The following PRKDC variants were observed in gnomAD, a reference collection of about 807,000 sequenced individuals.
PRKDC encodes DNA-dependent protein kinase catalytic subunit.
In PRKDC, 82 loss-of-function variants were observed where a neutral mutation model predicts 486.9. The ratio of observed to expected loss-of-function variants is 0.17; its 90% CI spans 0.14 to 0.20. PRKDC has a LOEUF of 0.20. Among genes scored for constraint, PRKDC ranks in the 10% least tolerant of loss-of-function variants. The pLI is 1.00. For synonymous variants in PRKDC, 1,895 were observed against 1,837.0 expected (o/e 1.03, Z -0.81); for missense variants, 4,504 against 5,038.2 (o/e 0.89, Z 3.21).
Position 47,835,681 on chromosome 8 carries a change from C to T in PRKDC, c.7951+657G>A, listed in dbSNP as rs187755585. 3.1e-3 allele frequency among the ~76,000 whole-genome samples: 421 copies of T among 137,546 alleles called. 3 individuals are homozygous for T. Among genetic ancestry groups the T allele is most frequent in the African/African-American group, 0.011 (413 of 37,026 alleles). 90.2% of individuals were successfully genotyped at this position (137,546 alleles called of 152,430 possible). Reference sequence around the variant, plus strand: ...TATACATAAAATTTACCATTTCAATCATTCTTAGGTGCACAGTTCAATGGC... The same window carrying T: ...TATACATAAAATTTACCATTTCAATTATTCTTAGGTGCACAGTTCAATGGC... On this transcript the variant is annotated intron_variant, in intron 58 of 85. Coordinates refer to ENST00000314191, the MANE Select transcript of PRKDC (RefSeq NM_006904.7).
chr8:47,898,456 G>A lies in PRKDC; in HGVS notation c.3464+14C>T. The A allele has an allele frequency of 6.5e-7, 1 of 1,537,528 alleles. No individual in the cohort carries two copies. Among genetic ancestry groups the A allele is most frequent in the East Asian group, 2.4e-5 (1 of 41,358 alleles). ...GTTGTGGGAAAAGACGGAAAAGGAA[G>A]CAAGATCACCTACCGCGGCAAACGT... On this transcript the variant is annotated intron_variant, in intron 29 of 85. Coordinates refer to ENST00000314191, the MANE Select transcript of PRKDC (RefSeq NM_006904.7).
Position 47,936,455 on chromosome 8 carries a change from G to A in PRKDC, c.1176C>T (p.Cys392=), listed in dbSNP as rs2090353950. Residue 392 remains cysteine, a synonymous_variant, in exon 12 of 86, where the codon TGC becomes TGT. Transcript: ENST00000314191. ...CTGTCTGGGTGAGGAACATCTGCTT[G>A]CAGCGCTGAATGAGCTCAACGTACA... The part of the protein sequence containing the change: ...DFMYVELIQR[C]KQMFLTQTDT... 4 of 1,614,034 alleles carry A rather than the reference G, an allele frequency of 2.5e-6. No individual in the cohort carries two copies. Among genetic ancestry groups the A allele is most frequent in the Non-Finnish European group, 3.4e-6 (4 of 1,179,890 alleles).
intron 22 of PRKDC, among the ~76,000 whole-genome samples, chr8:47,915,902 T>C (rs1247780684): frequency 6.6e-6 from 1 of 152,226 alleles, no homozygotes; most frequent in East Asian, 1.9e-4. Flanking sequence ...TGAACCAGCG[T>C]AGTTTCTTAA....
At chr8:47,858,792 T>G in intron 47 of PRKDC, 57 bp downstream of exon 47, 1 of 1,550,104 alleles carries the variant, frequency 6.5e-7, no homozygotes, top group Non-Finnish European at 8.7e-7. Context: ...AAATGTTCAT[T>G]CTCAGTATGA....
chr8:47,959,384 A>T (rs1215016301), intron 1 of PRKDC: 6 of 152,222 alleles, frequency 3.9e-5, no homozygotes, highest in African/African-American at 1.4e-4. Context: ...GGTGAAAGAA[A>T]ATACTTTCTC....
At chr8:47,784,183 G>A (rs1264283667) in intron 77 of PRKDC, 2 of 180,716 alleles carry the variant, frequency 1.1e-5, no homozygotes, top group Non-Finnish European at 2.3e-5. Context: ...GCGTGAACTC[G>A]GGAGGCAGAG....
intron 60 of PRKDC, 80 bp downstream of exon 60, chr8:47,831,734 G>A (rs2087881488): frequency 6.9e-7 from 1 of 1,458,368 alleles, no homozygotes; most frequent in African/African-American, 1.4e-5. Flanking sequence ...GGCAGTGTCT[G>A]GCAGGAAGCC....
chr8:47,901,339 TGGCG>T (rs997017387), intron 27 of PRKDC, among the ~76,000 whole-genome samples: 35 of 151,814 alleles, frequency 2.3e-4, no homozygotes, highest in African/African-American at 7.5e-4. Context: ...CCATGCGTAG[TGGCG>T]GGCGCCTGTA....
Position 47,849,211 on chromosome 8 carries a change from A to G in PRKDC, c.7223T>C (p.Met2408Thr). The G allele has an allele frequency of 1.2e-6, 2 of 1,614,002 alleles. No individual in the cohort carries two copies. Among genetic ancestry groups the G allele is most frequent in the Non-Finnish European group, 8.5e-7 (1 of 1,179,892 alleles). Reference protein sequence around the residue: ...LEVVLCRVEGMTELYFQLKSK... With the variant: ...LEVVLCRVEGTTELYFQLKSK... ...CTTTAACTGGAAGTACAGCTCTGTC[A>G]TTCCCTCCACACGACAAAGTACCAC... Residue 2408 changes from methionine to threonine, a missense_variant, in exon 54 of 86, where the codon ATG (methionine) becomes ACG (threonine). Transcript: ENST00000314191.
At chr8:47,887,425 CATACA>C in intron 35 of PRKDC, 117 bp downstream of exon 35, 1 of 883,392 alleles carries the variant, frequency 1.1e-6, no homozygotes, top group Non-Finnish European at 1.5e-6. Flanking sequence ...TCATGCAAAT[CATACA>C]ATACTTGTCC....
intron 40 of PRKDC, among the ~76,000 whole-genome samples, chr8:47,875,262 T>C (rs2089067253): frequency 6.6e-6 from 1 of 152,364 alleles, no homozygotes; most frequent in Middle Eastern, 3.4e-3. Flanking sequence ...TATTCGCTTA[T>C]AATCTTCTTA....
intron 39 of PRKDC, 65 bp from the exon 40 acceptor site, chr8:47,877,916 T>G (rs2089123824): frequency 8.4e-7 from 1 of 1,196,526 alleles, no homozygotes; most frequent in Non-Finnish European, 1.1e-6. Flanking sequence ...AATAGTTAAA[T>G]TATATACTAA....
chr8:47,802,632 C>T (rs2087133151), intron 70 of PRKDC, among the ~76,000 whole-genome samples: 1 of 151,678 alleles, frequency 6.6e-6, no homozygotes, highest in Non-Finnish European at 1.5e-5. Context: ...CGCCTGCCAC[C>T]ACGCCCGGCT....
chr8:47,914,779 C>T (rs1012064373), intron 23 of PRKDC, among the ~76,000 whole-genome samples: 8 of 144,740 alleles, frequency 5.5e-5, no homozygotes, highest in Non-Finnish European at 1.0e-4. Context: ...CCAGCTTGGG[C>T]AACAGAGCGA....
chr8:47,921,275 T>C (rs2090066304), intron 21 of PRKDC, among the ~76,000 whole-genome samples: 1 of 151,040 alleles, frequency 6.6e-6, no homozygotes, highest in Non-Finnish European at 1.5e-5. Flanking sequence ...GAAAAAAAAA[T>C]GAAAAATGTA....
chr8:47,912,402 G>A lies in PRKDC; in HGVS notation c.2934+8C>T, dbSNP rs771150909. On this transcript the variant is annotated splice_region_variant and intron_variant, in intron 25 of 85. Transcript: ENST00000314191. ...ATTTTACAACTATTTCAGATTCAAA[G>A]CCCTTACCTGATCAACATCACACGC... 3 of 1,561,336 alleles carry A rather than the reference G, an allele frequency of 1.9e-6. No individual in the cohort carries two copies. The highest frequency in any genetic ancestry group is 1.7e-6 in the Non-Finnish European group (2 of 1,151,844).
At chr8:47,871,651 T>G (rs28812773) in intron 40 of PRKDC, among the ~76,000 whole-genome samples, 4,368 of 152,246 alleles carry the variant, frequency 0.029, 218 homozygotes, top group African/African-American at 0.098. Context: ...CAGGCTGGAG[T>G]GCAGTGGCAC....
At chr8:47,841,460 C>T (rs2088142585) in intron 54 of PRKDC, among the ~76,000 whole-genome samples, 1 of 152,204 alleles carries the variant, frequency 6.6e-6, no homozygotes, top group Non-Finnish European at 1.5e-5. Flanking sequence ...AGAGCATACA[C>T]ACAGCATAGC....
chr8:47,850,504 TAG>T (rs2154500239), intron 52 of PRKDC, among the ~76,000 whole-genome samples: 2 of 152,304 alleles, frequency 1.3e-5, no homozygotes, highest in South Asian at 4.1e-4. Flanking sequence ...CATTTTGGAA[TAG>T]AGATACCGAA....
Sources: gnomAD v4.1 joint callset for allele counts (sites outside exome capture counted in the v4.1 genomes callset) on GRCh38, gnomAD v4.1.1 for gene constraint, MANE v1.5 for transcripts, NCBI Gene and HGNC (gene_info 2026-07-23, HGNC 2026-07-21) for gene names.